LEF1: variants seen among roughly 807,000 people sequenced by gnomAD.
LEF1 encodes the protein lymphoid enhancer-binding factor 1.
LEF1 carries 14 observed loss-of-function variants against 51.2 expected under a neutral mutation model. That is an observed-to-expected ratio of 0.27 (90% CI 0.18 to 0.43). The LOEUF is 0.43. Ranked by LOEUF, LEF1 falls within the 20% of genes least tolerant of loss-of-function variation. The pLI is 1.00. For synonymous variants in LEF1, 185 were observed against 183.2 expected (o/e 1.01, Z -0.08); for missense variants, 386 against 512.0 (o/e 0.75, Z 2.37).
chr4:108,160,483 G>C (rs975085879), intron 3 of LEF1, among the ~76,000 whole-genome samples: 2 of 152,112 alleles, frequency 1.3e-5, no homozygotes, highest in Non-Finnish European at 2.9e-5. Context: ...AATATGTCAT[G>C]ATAGGTGCTT....
intron 3 of LEF1, among the ~76,000 whole-genome samples, chr4:108,110,268 G>T (rs1034834957): frequency 6.6e-6 from 1 of 152,172 alleles, no homozygotes; most frequent in African/African-American, 2.4e-5. Flanking sequence ...TCCTTATAGA[G>T]CATGTTTTCA....
chr4:108,165,695 A>G (rs947151363), intron 1 of LEF1, among the ~76,000 whole-genome samples: 1 of 152,250 alleles, frequency 6.6e-6, no homozygotes, highest in Non-Finnish European at 1.5e-5. Context: ...ACTCGAGCTT[A>G]TAACCTACTA....
At chr4:108,112,035 G>C (rs1382552138) in intron 3 of LEF1, among the ~76,000 whole-genome samples, 1 of 152,160 alleles carries the variant, frequency 6.6e-6, no homozygotes, top group Non-Finnish European at 1.5e-5. Context: ...CCCCTACAAG[G>C]CTCAGCAGCT....
Position 108,168,476 on chromosome 4 carries a change from C to T in LEF1, c.-709G>A, listed in dbSNP as rs980189553. On this transcript the variant is annotated 5_prime_UTR_variant, in exon 1 of 12. Transcript: ENST00000265165. The surrounding 1 kb of genome is among the most constrained non-coding windows in gnomAD (Gnocchi z 4.6). ...TTCTTCTCGAGGCTCATTTAATCTG[C>T]TAGAGAAGGAGGAGGAGCAGAAGAT... The T allele has an allele frequency of 6.6e-6, 1 of 152,252 alleles. No individual in the cohort carries two copies. The highest frequency in any genetic ancestry group is 2.4e-5 in the African/African-American group (1 of 41,442). 9.4% of individuals were successfully genotyped at this position (152,252 alleles called of 1,614,324 possible).
chr4:108,056,087 C>T (rs1737288687), intron 11 of LEF1, among the ~76,000 whole-genome samples: 1 of 152,214 alleles, frequency 6.6e-6, no homozygotes, highest in Non-Finnish European at 1.5e-5. Context: ...CTCCTCTGGC[C>T]ACAGCTGATT....
intron 3 of LEF1, among the ~76,000 whole-genome samples, chr4:108,105,742 A>C (rs1307337228): frequency 6.6e-6 from 1 of 152,150 alleles, no homozygotes; most frequent in Non-Finnish European, 1.5e-5. Flanking sequence ...ATCTCTCCCA[A>C]TTTAAGGTCT....
intron 3 of LEF1, among the ~76,000 whole-genome samples, chr4:108,142,759 C>T (rs1356016383): frequency 6.6e-6 from 1 of 152,034 alleles, no homozygotes; most frequent in Non-Finnish European, 1.5e-5. Flanking sequence ...AAATGTCTGC[C>T]CTAATCAATA....
chr4:108,140,895 A>C, intron 3 of LEF1, among the ~76,000 whole-genome samples: 1 of 152,248 alleles, frequency 6.6e-6, no homozygotes, highest in Non-Finnish European at 1.5e-5. Context: ...ATCTGAAAAC[A>C]AGGGAAGATG....
rs1186865162 is a variant in LEF1 at position 108,168,213 on chromosome 4, G to T, written c.-446C>A. 1 of 152,242 alleles carries T rather than the reference G, an allele frequency of 6.6e-6. No homozygotes were observed. Among genetic ancestry groups the T allele is most frequent in the African/African-American group, 2.4e-5 (1 of 41,470 alleles). 9.4% of individuals were successfully genotyped at this position (152,242 alleles called of 1,614,324 possible). ...GAGGAGGGTCCGGCGGCGCGTCTCC[G>T]CGGAAACCCTCTCCACTGTAGTTAC... On this transcript the variant is annotated 5_prime_UTR_variant, in exon 1 of 12. Coordinates refer to ENST00000265165, the MANE Select transcript of LEF1 (RefSeq NM_016269.5). This position sits in a 1 kb window ranked among gnomAD's most constrained non-coding sequence, Gnocchi z 4.6.
At chr4:108,060,827 T>C (rs977494046) in intron 11 of LEF1, among the ~76,000 whole-genome samples, 4 of 152,042 alleles carry the variant, frequency 2.6e-5, no homozygotes, top group Non-Finnish European at 5.9e-5. Context: ...CATCCAACAC[T>C]CTATTTCCAG....
At chr4:108,056,906 CAAA>C (rs58289441) in intron 11 of LEF1, among the ~76,000 whole-genome samples, 2 of 84,984 alleles carry the variant, frequency 2.4e-5, no homozygotes, top group Non-Finnish European at 4.8e-5. Flanking sequence ...GGCCACTATT[CAAA>C]AAAAAAAAAA....
intron 2 of LEF1, among the ~76,000 whole-genome samples, chr4:108,163,913 CAT>C (rs1403878810): frequency 6.6e-6 from 1 of 152,176 alleles, no homozygotes; most frequent in Admixed American, 6.5e-5. Context: ...GTTTTAAAAA[CAT>C]GTAGTTCAAA....
Position 108,086,955 on chromosome 4 carries a change from T to C in LEF1, c.547+2170A>G, listed in dbSNP as rs539837626. 2.0e-3 allele frequency among the ~76,000 whole-genome samples: 298 copies of C among 152,280 alleles called. 1 individual carries two copies. The highest frequency in any genetic ancestry group is 6.8e-3 in the African/African-American group (282 of 41,556). On this transcript the variant is annotated intron_variant, in intron 4 of 11. Coordinates refer to ENST00000265165, the MANE Select transcript of LEF1 (RefSeq NM_016269.5). ...ATTTTATATTTATGGAATAGTTCTA[T>C]CTAGGGTTAAAGTGTGAATATGATG...
intron 11 of LEF1, among the ~76,000 whole-genome samples, chr4:108,062,299 T>G (rs1737747430): frequency 6.6e-6 from 1 of 152,196 alleles, no homozygotes; most frequent in South Asian, 2.1e-4. Context: ...AAAAGCCAAA[T>G]GAGCTGCAGT....
chr4:108,106,602 G>A (rs535829084), intron 3 of LEF1, among the ~76,000 whole-genome samples: 1 of 152,266 alleles, frequency 6.6e-6, no homozygotes, highest in African/African-American at 2.4e-5. Context: ...TGCAACACAA[G>A]TTATAAAGTG....
intron 3 of LEF1, among the ~76,000 whole-genome samples, chr4:108,117,693 G>A (rs1338506457): frequency 6.6e-6 from 1 of 152,176 alleles, no homozygotes; most frequent in Non-Finnish European, 1.5e-5. Context: ...GAGCAGAACT[G>A]GCCAGAGAGA....
intron 9 of LEF1, among the ~76,000 whole-genome samples, chr4:108,066,008 T>C (rs1738054956): frequency 6.6e-6 from 1 of 152,208 alleles, no homozygotes; most frequent in Non-Finnish European, 1.5e-5. Context: ...GTTCAAGCGA[T>C]GTTCCTGCCT....
chr4:108,138,511 A>G (rs544146286), intron 3 of LEF1, among the ~76,000 whole-genome samples: 1 of 152,094 alleles, frequency 6.6e-6, no homozygotes, highest in African/African-American at 2.4e-5. Context: ...GTGTATACAC[A>G]CACACACACA....
chr4:108,066,024 TC>T (rs1339266503), intron 9 of LEF1, among the ~76,000 whole-genome samples: 1 of 152,164 alleles, frequency 6.6e-6, no homozygotes, highest in Non-Finnish European at 1.5e-5. Flanking sequence ...TGCCTCAGCC[TC>T]CCAAGTAGCT....
Sources: gnomAD v4.1 joint callset for allele counts (sites outside exome capture counted in the v4.1 genomes callset) on GRCh38, gnomAD v4.1.1 for gene constraint, Gnocchi (gnomAD v3.1) non-coding constraint, MANE v1.5 for transcripts, NCBI Gene and HGNC (gene_info 2026-07-23, HGNC 2026-07-21) for gene names.